Variants in CYP3A7 observed in about 807,000 individuals in gnomAD.
The protein encoded by CYP3A7 is cytochrome P450 3A7.
CYP3A7 carries 45 observed loss-of-function variants against 55.2 expected under a neutral mutation model. The ratio of observed to expected loss-of-function variants is 0.82; its 90% confidence interval spans 0.64 to 1.05. The LOEUF is 1.05. Ranked by LOEUF, CYP3A7 falls within the 50% of genes least tolerant of loss-of-function variation. The pLI, the probability that CYP3A7 is intolerant of heterozygous loss-of-function variation, is 0.00. For missense variants in CYP3A7, 548 were observed against 605.3 expected, an observed-to-expected ratio of 0.91 and a Z score of 0.99; for synonymous variants, 180 against 207.4, an observed-to-expected ratio of 0.87 and a Z score of 1.13.
rs775076106 is a variant in CYP3A7, at chr7:99,705,607, A to G, written c.1417-12T>C. 6.2e-7 allele frequency: 1 copy of G among 1,612,748 alleles called. No homozygotes were observed. The highest frequency in any genetic ancestry group is 1.1e-5 in the South Asian group (1 of 91,060). On this transcript the variant is annotated splice_polypyrimidine_tract_variant and intron_variant, in intron 12 of 12. Coordinates refer to ENST00000336374, the MANE Select transcript of CYP3A7 (RefSeq NM_000765.5). ...AATTTCAGGGGGATCTGCAACAGTT[A>G]AACGAGCATATTGAGAAGCATTAAA...
At chr7:99,721,056 T>C (rs1229687707) in intron 3 of CYP3A7, 1 of 152,936 alleles carries the variant, frequency 6.5e-6, no homozygotes, top group Non-Finnish European at 1.5e-5. Context: ...ACTGCACCTC[T>C]TCCACCGCTC....
At chr7:99,715,996 AAGAC>A in intron 6 of CYP3A7, 90 bp from the exon 7 acceptor site, 2 of 1,609,178 alleles carry the variant, frequency 1.2e-6, no homozygotes, top group South Asian at 1.1e-5. Context: ...ATGTCCAGTC[AAGAC>A]AGACAAACAG....
intron 2 of CYP3A7, among the ~76,000 whole-genome samples, chr7:99,726,489 A>ATT (rs1814418728): frequency 6.6e-6 from 1 of 152,038 alleles, no homozygotes; most frequent in Non-Finnish European, 1.5e-5. Flanking sequence ...ATCTCCCTCC[A>ATT]CAACTCACTA....
chr7:99,705,544 C>A lies in CYP3A7; in HGVS notation c.1468G>T (p.Val490Phe), dbSNP rs1563016907. The A allele has an allele frequency of 1.2e-6, 2 of 1,613,712 alleles. No individual in the cohort carries two copies. Among genetic ancestry groups the A allele is most frequent in the African/African-American group, 1.3e-5 (1 of 75,018 alleles). ...GGLLLTEKPI[V>F]LKAESRDETV... ...TCATCCCTTGACTCAGCCTTTAGAA[C>A]AATGGGTTTTTCTGTTAGAAGAAGT... The change falls in exon 13 of 13, where the codon GTT becomes TTT. Residue 490 changes from valine (V) to phenylalanine (F), a missense_variant. By Grantham distance (50) the Val-to-Phe change is conservative (BLOSUM62 -1). Coordinates refer to ENST00000336374, the MANE Select transcript of CYP3A7 (RefSeq NM_000765.5).
rs1814258937 is a variant in CYP3A7 at position 99,722,917 on chromosome 7, T to C, written c.166-569A>G. Among the ~76,000 whole-genome samples, 4 of 152,268 alleles carry C rather than the reference T, an allele frequency of 2.6e-5. No homozygotes were observed. In the South Asian group the frequency reaches 8.3e-4, roughly 32 times the overall value. On this transcript the variant is annotated intron_variant, in intron 2 of 12. Transcript: ENST00000336374. ...ATGAGTGAGTGACAGAATGACAAAG[T>C]GGACTCGCTTTCCAGTTTTCCAGCT...
rs768899893 is a variant in CYP3A7 at position 99,735,151 on chromosome 7, G to C, written c.-58C>G. 1.1e-5 allele frequency: 17 copies of C among 1,607,838 alleles called. No homozygotes were observed. Among genetic ancestry groups the C allele is most frequent in the Non-Finnish European group, 1.4e-5 (17 of 1,175,554 alleles). On this transcript the variant is annotated 5_prime_UTR_variant, in exon 1 of 13. Coordinates refer to ENST00000336374, the MANE Select transcript of CYP3A7 (RefSeq NM_000765.5). ...GTCTTTTTTTCAGCAGCGTGCTGCTGTTTGCTGGGCTGTGTGTGTGGAGCT... is the reference window on the plus strand; with the variant it reads ...GTCTTTTTTTCAGCAGCGTGCTGCTCTTTGCTGGGCTGTGTGTGTGGAGCT...
intron 9 of CYP3A7, 54 bp downstream of exon 9, chr7:99,713,415 A>G: frequency 6.2e-7 from 1 of 1,611,240 alleles, no homozygotes; most frequent in Non-Finnish European, 8.5e-7. Flanking sequence ...TTTCAGAACA[A>G]AACCTTCCCT....
chr7:99,722,461 G>C lies in CYP3A7; in HGVS notation c.166-113C>G, dbSNP rs539781223. 4.5e-6 allele frequency: 6 copies of C among 1,332,360 alleles called. No individual in the cohort carries two copies. The East Asian group carries it at 7.6e-5, about 17-fold the overall frequency. 82.5% of individuals were successfully genotyped at this position (1,332,360 alleles called of 1,614,324 possible). A position where few individuals can be genotyped will look rare whatever the true frequency, so the allele number is the denominator to read the frequency against. ...ATGAAATTAGACTTGCTGGCAGTTA[G>C]AGGAAGCTTATTTAGAGATGTCATA... On this transcript the variant is annotated intron_variant, in intron 2 of 12. Transcript: ENST00000336374.
chr7:99,731,501 G>A (rs1289204148), intron 1 of CYP3A7, among the ~76,000 whole-genome samples: 6 of 152,134 alleles, frequency 3.9e-5, no homozygotes, highest in Non-Finnish European at 5.9e-5. Flanking sequence ...TTAGTAAGTG[G>A]ACTCTTCCCT....
chr7:99,726,148 C>T (rs986780025), intron 2 of CYP3A7, among the ~76,000 whole-genome samples: 8 of 152,142 alleles, frequency 5.3e-5, no homozygotes, highest in Admixed American at 3.3e-4. Flanking sequence ...TGTATCCCCC[C>T]ACCTTAACCC....
chr7:99,717,851 C>T (rs1421248347), intron 4 of CYP3A7, among the ~76,000 whole-genome samples: 1 of 152,212 alleles, frequency 6.6e-6, no homozygotes, highest in Non-Finnish European at 1.5e-5. Flanking sequence ...TCTCCTTTTA[C>T]ATGCAAATTC....
chr7:99,720,369 C>G lies in CYP3A7; in HGVS notation c.262G>C (p.Asp88His). ...TTCACTAGCACTGTTTTGATCATGT[C>G]GGGATCTGTGATAGCCAGCATAGGC... ...QQPMLAITDP[D>H]MIKTVLVKEC... is the part of the protein sequence containing the mutation. The change falls in exon 4 of 13, where the codon GAC becomes CAC. Residue 88 changes from aspartate to histidine, a missense_variant. Transcript: ENST00000336374. 6.2e-7 allele frequency: 1 copy of G among 1,613,704 alleles called. No homozygotes were observed.
intron 2 of CYP3A7, among the ~76,000 whole-genome samples, chr7:99,726,111 C>T (rs1461573962): frequency 6.6e-6 from 1 of 152,154 alleles, no homozygotes; most frequent in African/African-American, 2.4e-5. Flanking sequence ...TTCTTCCCAA[C>T]CCAAAGCCTC....
intron 2 of CYP3A7, among the ~76,000 whole-genome samples, chr7:99,723,839 T>C (rs1300376760): frequency 3.3e-5 from 5 of 152,208 alleles, no homozygotes; most frequent in Admixed American, 2.0e-4. Context: ...GTTTTATCCA[T>C]GAACTCAAAA....
intron 7 of CYP3A7, among the ~76,000 whole-genome samples, chr7:99,715,098 A>G (rs1430374058): frequency 6.6e-6 from 1 of 152,248 alleles, no homozygotes; most frequent in Non-Finnish European, 1.5e-5. Flanking sequence ...GCTAAAATCA[A>G]TAAGGTAACG....
At chr7:99,727,452 G>T (rs961546657) in intron 2 of CYP3A7, among the ~76,000 whole-genome samples, 4 of 152,068 alleles carry the variant, frequency 2.6e-5, no homozygotes, top group Non-Finnish European at 5.9e-5. Flanking sequence ...ACTCTCTGTT[G>T]AGTCTCCCAC....
intron 11 of CYP3A7, among the ~76,000 whole-genome samples, chr7:99,708,258 G>T (rs1454496224): frequency 6.6e-6 from 1 of 152,146 alleles, no homozygotes; most frequent in Non-Finnish European, 1.5e-5. Context: ...AGTCAGGATG[G>T]TGATGTGTTC....
At chr7:99,708,132 G>A (rs1254396823) in intron 11 of CYP3A7, among the ~76,000 whole-genome samples, 158 bp from the exon 12 acceptor site, 22 of 152,182 alleles carry the variant, frequency 1.4e-4, no homozygotes, top group Admixed American at 6.5e-5. Flanking sequence ...ATTTTGCTAT[G>A]AGAATTGTAA....
intron 6 of CYP3A7, 94 bp downstream of exon 6, chr7:99,717,083 C>G (rs1047620579): frequency 3.9e-6 from 6 of 1,541,948 alleles, no homozygotes; most frequent in African/African-American, 1.4e-5. Flanking sequence ...TGTCTGGTCA[C>G]TGGAATAACC....
Sources: allele counts gnomAD v4.1 joint callset (sites outside exome capture counted in the v4.1 genomes callset), GRCh38; gene constraint gnomAD v4.1.1; transcripts MANE v1.5; gene names NCBI Gene and HGNC (gene_info 2026-07-23, HGNC 2026-07-21).